The following LRMDA variants were observed in gnomAD, a reference collection of about 807,000 sequenced individuals.
LRMDA encodes leucine rich melanocyte differentiation associated, also known as leucine-rich melanocyte differentiation-associated protein.
LRMDA carries 18 observed loss-of-function variants against 29.8 expected under a neutral mutation model. That is an observed-to-expected ratio of 0.60 (90% CI 0.42 to 0.90). The LOEUF is 0.90. Ranked by LOEUF, LRMDA falls within the 40% of genes least tolerant of loss-of-function variation. The pLI, the probability that LRMDA is intolerant of heterozygous loss-of-function variation, is 0.00. For synonymous variants in LRMDA, 125 were observed against 109.4 expected, an observed-to-expected ratio of 1.14 and a Z score of -0.89; for missense variants, 273 against 273.9, an observed-to-expected ratio of 1.00 and a Z score of 0.02.
intron 2 of LRMDA, among the ~76,000 whole-genome samples, chr10:75,925,082 C>T (rs937002884): frequency 1.3e-5 from 2 of 152,172 alleles, no homozygotes; most frequent in East Asian, 1.9e-4. Context: ...TCCATTCTCC[C>T]AGAGATGACA....
intron 5 of LRMDA, among the ~76,000 whole-genome samples, chr10:76,212,358 C>G (rs1456992378): frequency 6.6e-6 from 1 of 151,408 alleles, no homozygotes; most frequent in Non-Finnish European, 1.5e-5. Context: ...GAAGAAAAAT[C>G]ATTATGGAAA....
At chr10:75,932,099 G>C (rs910549189) in intron 2 of LRMDA, among the ~76,000 whole-genome samples, 10 of 152,204 alleles carry the variant, frequency 6.6e-5, no homozygotes, top group African/African-American at 2.4e-4. Flanking sequence ...AAGTTTTTTG[G>C]GTTCTCATTT....
At chr10:76,507,775 T>C (rs1842973804) in intron 6 of LRMDA, among the ~76,000 whole-genome samples, 2 of 152,176 alleles carry the variant, frequency 1.3e-5, no homozygotes, top group African/African-American at 4.8e-5. Context: ...TGTATGTTCT[T>C]GATGCCTCTG....
Position 75,518,797 on chromosome 10 carries a change from G to A in LRMDA, c.131+80303G>A, listed in dbSNP as rs368863147. Among the ~76,000 whole-genome samples the A allele has an allele frequency of 6.5e-4, 99 of 152,184 alleles. 1 individual carries two copies. The Middle Eastern group carries it at 0.02, about 31-fold the overall frequency. ...TAGTTCTTTTAATTGTGATGTTAGG[G>A]TGTCGATTTTAGATCTTTCCTGCCT... On this transcript the variant is annotated intron_variant, in intron 2 of 6. Transcript: ENST00000611255.
chr10:75,531,909 A>T (rs1354412282), intron 2 of LRMDA, among the ~76,000 whole-genome samples: 1 of 151,506 alleles, frequency 6.6e-6, no homozygotes, highest in Non-Finnish European at 1.5e-5. Flanking sequence ...AAAAAAAAAA[A>T]TTGGTGTGCA....
chr10:75,551,530 G>T (rs953365020), intron 2 of LRMDA, among the ~76,000 whole-genome samples: 1 of 150,646 alleles, frequency 6.6e-6, no homozygotes, highest in African/African-American at 2.4e-5. Context: ...TCCCCTCCCT[G>T]TGTCCATGTG....
intron 2 of LRMDA, among the ~76,000 whole-genome samples, chr10:75,921,772 A>G (rs1269594126): frequency 2.0e-5 from 3 of 152,226 alleles, no homozygotes; most frequent in Non-Finnish European, 4.4e-5. Flanking sequence ...TTTATTTTCA[A>G]GATCTAAAAT....
chr10:76,069,997 G>A (rs192494690), intron 5 of LRMDA, among the ~76,000 whole-genome samples: 138 of 152,274 alleles, frequency 9.1e-4, no homozygotes, highest in Admixed American at 1.7e-3. Context: ...TCAGGGTAAT[G>A]TTTAGGTTTG....
intron 2 of LRMDA, among the ~76,000 whole-genome samples, chr10:75,693,122 G>A (rs1842192459): frequency 6.6e-6 from 1 of 152,140 alleles, no homozygotes; most frequent in African/African-American, 2.4e-5. Context: ...GTAATATAGT[G>A]CTTGGCTGGT....
At chr10:76,186,329 G>A (rs1301807421) in intron 5 of LRMDA, among the ~76,000 whole-genome samples, 1 of 152,234 alleles carries the variant, frequency 6.6e-6, no homozygotes, top group African/African-American at 2.4e-5. Flanking sequence ...AAAAGGCAGA[G>A]GGGTAACATT....
intron 6 of LRMDA, among the ~76,000 whole-genome samples, chr10:76,501,546 T>C (rs549159969): frequency 6.6e-6 from 1 of 152,178 alleles, no homozygotes; most frequent in Non-Finnish European, 1.5e-5. Context: ...TTTTTGACTT[T>C]TTAATATAGC....
chr10:75,734,468 G>T (rs1015035127), intron 2 of LRMDA, among the ~76,000 whole-genome samples: 1 of 152,112 alleles, frequency 6.6e-6, no homozygotes, highest in Admixed American at 6.5e-5. Context: ...TCTAGGTCTC[G>T]GTCCCTACTG....
intron 2 of LRMDA, among the ~76,000 whole-genome samples, chr10:75,805,876 A>G (rs1219425854): frequency 6.6e-6 from 1 of 152,114 alleles, no homozygotes; most frequent in African/African-American, 2.4e-5. Context: ...GATACTTTAT[A>G]ATTAGGGGTT....
intron 2 of LRMDA, among the ~76,000 whole-genome samples, chr10:75,959,904 A>C (rs1213483289): frequency 1.3e-5 from 2 of 152,230 alleles, no homozygotes; most frequent in East Asian, 3.9e-4. Flanking sequence ...GTTACTTATA[A>C]GCTGTGGCAG....
intron 2 of LRMDA, among the ~76,000 whole-genome samples, chr10:75,546,784 T>G (rs1483708077): frequency 1.3e-5 from 2 of 152,244 alleles, no homozygotes; most frequent in Admixed American, 6.5e-5. Flanking sequence ...AGCTATTAAT[T>G]GTACCATTAA....
chr10:76,322,690 T>A (rs11001730), intron 5 of LRMDA, among the ~76,000 whole-genome samples: 2 of 152,308 alleles, frequency 1.3e-5, no homozygotes, highest in East Asian at 3.9e-4. Flanking sequence ...GATTAAAAGT[T>A]CTAAGAAATA....
At chr10:76,437,262 T>G (rs1041904120) in intron 6 of LRMDA, 4 of 152,150 alleles carry the variant, frequency 2.6e-5, no homozygotes, top group Non-Finnish European at 5.9e-5. Context: ...AAAGAATCCT[T>G]TTGCAGCTGT....
At chr10:76,372,939 C>A (rs756554379) in intron 6 of LRMDA, among the ~76,000 whole-genome samples, 1 of 152,084 alleles carries the variant, frequency 6.6e-6, no homozygotes, top group African/African-American at 2.4e-5. Flanking sequence ...AAAAGGGTTC[C>A]ATTTTTTTTA....
chr10:76,094,063 G>A (rs1849276109), intron 5 of LRMDA, among the ~76,000 whole-genome samples: 1 of 152,134 alleles, frequency 6.6e-6, no homozygotes. Context: ...TAGTAAATAT[G>A]GGTTTGAAAG....
Sources: allele counts gnomAD v4.1 joint callset (sites outside exome capture counted in the v4.1 genomes callset), GRCh38; gene constraint gnomAD v4.1.1; transcripts MANE v1.5; gene names NCBI Gene and HGNC (gene_info 2026-07-23, HGNC 2026-07-21).